The following EMB variants were observed in gnomAD, a reference collection of about 807,000 sequenced individuals.
EMB encodes embigin.
EMB carries 31 observed loss-of-function variants against 41.4 expected under a neutral mutation model. The observed-to-expected ratio is 0.75, with a 90% CI of 0.56 to 1.01. The LOEUF is 1.01. Among genes scored for constraint, EMB ranks in the 50% least tolerant of loss-of-function variants. The pLI is 0.00. For synonymous variants in EMB, 137 were observed against 140.4 expected (o/e 0.98, Z 0.17); for missense variants, 379 against 388.3 (o/e 0.98, Z 0.20).
intron 8 of EMB, among the ~76,000 whole-genome samples, chr5:50,399,635 G>GATTTACTTCTAGATTAGTTGC (rs1184417467): frequency 2.6e-5 from 4 of 151,964 alleles, no homozygotes; most frequent in African/African-American, 9.7e-5. Flanking sequence ...CAGTGCAAAA[G>GATTTACTTCTAGATTAGTTGC]ATTTACTTCT....
At chr5:50,438,204 CTAAG>C (rs1428014400) in intron 1 of EMB, among the ~76,000 whole-genome samples, 1 of 152,212 alleles carries the variant, frequency 6.6e-6, no homozygotes, top group Non-Finnish European at 1.5e-5. Context: ...TGCTGCTTAA[CTAAG>C]TATGTGTAAT....
chr5:50,441,047 A>G lies in EMB; in HGVS notation c.105T>C (p.Ser35=). The part of the protein sequence containing the change: ...AAARPSSADG[S]APDSPFTSPP... Reference sequence around the variant, plus strand: ...ACCCTGTACCCATCACACCTGGGGCACTGCCGTCCGCCGAGCTTGGGCGCG... The same window carrying G: ...ACCCTGTACCCATCACACCTGGGGCGCTGCCGTCCGCCGAGCTTGGGCGCG... The change falls in exon 1 of 9, where the codon AGT becomes AGC. Residue 35 remains serine, a synonymous_variant. Coordinates refer to ENST00000303221, the MANE Select transcript of EMB (RefSeq NM_198449.3). The G allele has an allele frequency of 2.0e-6, 3 of 1,507,740 alleles. No individual in the cohort carries two copies. Among genetic ancestry groups the G allele is most frequent in the Non-Finnish European group, 2.7e-6 (3 of 1,128,356 alleles). The allele number at this position is 1,507,740 out of a possible 1,614,324, so 93.4% of individuals were successfully genotyped here. A position where few individuals can be genotyped will look rare whatever the true frequency, so the allele number is the denominator to read the frequency against.
At chr5:50,426,978 G>A (rs978713477) in intron 2 of EMB, among the ~76,000 whole-genome samples, 3 of 150,970 alleles carry the variant, frequency 2.0e-5, no homozygotes, top group African/African-American at 7.3e-5. Context: ...AAATGACCTG[G>A]TATAACTTTA....
At chr5:50,410,807 T>C in intron 4 of EMB, 70 bp downstream of exon 4, 2 of 962,646 alleles carry the variant, frequency 2.1e-6, no homozygotes, top group Non-Finnish European at 3.0e-6. Context: ...AATTTTAAAA[T>C]TACAGGATTG....
intron 1 of EMB, among the ~76,000 whole-genome samples, chr5:50,435,619 T>C (rs557782945): frequency 2.7e-4 from 41 of 152,326 alleles, no homozygotes; most frequent in Non-Finnish European, 5.0e-4. Context: ...TCAGATGGCA[T>C]ACCATTTTTT....
intron 4 of EMB, among the ~76,000 whole-genome samples, chr5:50,409,656 GA>G (rs1338829671): frequency 2.6e-5 from 4 of 151,640 alleles, no homozygotes. Context: ...CAGAAAAAGG[GA>G]AAGGAAAAGA....
At chr5:50,429,516 A>G (rs1243440132) in intron 1 of EMB, among the ~76,000 whole-genome samples, 2 of 152,186 alleles carry the variant, frequency 1.3e-5, no homozygotes, top group Admixed American at 6.5e-5. Flanking sequence ...CGCCTAGTAA[A>G]ATAACGTACC....
chr5:50,419,350 C>G (rs1745478333), intron 2 of EMB, among the ~76,000 whole-genome samples: 1 of 152,136 alleles, frequency 6.6e-6, no homozygotes, highest in Admixed American at 6.5e-5. Context: ...AACCATTTTG[C>G]ACATATCCAC....
intron 1 of EMB, among the ~76,000 whole-genome samples, chr5:50,437,511 A>C (rs991672401): frequency 5.9e-5 from 9 of 152,134 alleles, no homozygotes; most frequent in African/African-American, 2.2e-4. Flanking sequence ...AATTTACATC[A>C]GTGGGTACTC....
chr5:50,403,427 A>T lies in EMB; in HGVS notation c.628T>A (p.Tyr210Asn). Reference sequence around the variant, plus strand: ...TTAGCATATGTTCCATTGATCACATATTTATTCATTTGAACACCAACAGGA... The same window carrying T: ...TTAGCATATGTTCCATTGATCACATTTTTATTCATTTGAACACCAACAGGA... ...KVPVGVQMNK[Y>N]VINGTYANET... The change falls in exon 6 of 9, where the codon TAT becomes AAT. Residue 210 changes from tyrosine (Y) to asparagine (N), a missense_variant. By Grantham distance (143) the Tyr-to-Asn change is moderately radical. Transcript: ENST00000303221. The T allele has an allele frequency of 6.2e-7, 1 of 1,612,320 alleles. No individual in the cohort carries two copies. Among genetic ancestry groups the T allele is most frequent in the Non-Finnish European group, 8.5e-7 (1 of 1,178,896 alleles).
At chr5:50,431,619 GA>G (rs1020136692) in intron 1 of EMB, among the ~76,000 whole-genome samples, 2 of 151,646 alleles carry the variant, frequency 1.3e-5, no homozygotes, top group African/African-American at 2.4e-5. Flanking sequence ...ATCTGATAGG[GA>G]AAAAAAATGA....
intron 2 of EMB, among the ~76,000 whole-genome samples, chr5:50,412,240 C>CACACCA (rs1554024234): frequency 1.5e-5 from 2 of 134,950 alleles, no homozygotes; most frequent in Admixed American, 1.5e-4. Flanking sequence ...CACACACACA[C>CACACCA]CACACACACA....
chr5:50,418,556 T>C (rs548948938), intron 2 of EMB, among the ~76,000 whole-genome samples: 1 of 152,344 alleles, frequency 6.6e-6, no homozygotes, highest in East Asian at 1.9e-4. Context: ...CTAGCAGTGA[T>C]TGTGCCTCAT....
intron 1 of EMB, among the ~76,000 whole-genome samples, chr5:50,437,802 C>T (rs971619213): frequency 2.6e-5 from 4 of 152,104 alleles, no homozygotes; most frequent in Non-Finnish European, 4.4e-5. Flanking sequence ...GCCACGTCCT[C>T]TGGAAGTTAA....
In EMB at chr5:50,402,336, G is replaced by A; in HGVS notation, c.878-17C>T. On this transcript the variant is annotated splice_polypyrimidine_tract_variant and intron_variant, in intron 6 of 8. Transcript: ENST00000303221. The stretch of plus-strand genomic sequence containing the variant: ...TCCCCTCATCTGTGTAACAAAAGAA[G>A]AATTTGACTGTGAAGTTGGTTTGTC... 7 of 1,607,272 alleles carry A rather than the reference G, an allele frequency of 4.4e-6. No individual in the cohort carries two copies. Among genetic ancestry groups the A allele is most frequent in the Non-Finnish European group, 6.0e-6 (7 of 1,174,934 alleles).
chr5:50,440,764 C>T (rs538589568), intron 1 of EMB, among the ~76,000 whole-genome samples: 2 of 152,206 alleles, frequency 1.3e-5, no homozygotes, highest in African/African-American at 4.8e-5. Flanking sequence ...AGACTCTGCC[C>T]TGTTACCTAC....
intron 2 of EMB, among the ~76,000 whole-genome samples, chr5:50,416,497 G>C (rs1350248308): frequency 6.6e-6 from 1 of 152,116 alleles, no homozygotes; most frequent in Non-Finnish European, 1.5e-5. Flanking sequence ...ATAAAAGTCT[G>C]CTTTGTTCTT....
intron 1 of EMB, 170 bp from the exon 2 acceptor site, chr5:50,428,397 T>C (rs1745657367): frequency 1.7e-6 from 2 of 1,204,292 alleles, no homozygotes; most frequent in Middle Eastern, 3.2e-4. Context: ...TATTAGGCTA[T>C]TAAATGTGAA....
intron 1 of EMB, among the ~76,000 whole-genome samples, chr5:50,433,843 CTT>C (rs1156240395): frequency 6.6e-6 from 1 of 152,190 alleles, no homozygotes; most frequent in Non-Finnish European, 1.5e-5. Context: ...CCTCTGAACT[CTT>C]GAGTGAAGAA....
Sources: gnomAD v4.1 joint callset for allele counts (sites outside exome capture counted in the v4.1 genomes callset) on GRCh38, gnomAD v4.1.1 for gene constraint, MANE v1.5 for transcripts, NCBI Gene and HGNC (gene_info 2026-07-23, HGNC 2026-07-21) for gene names.